Variants in MUS81 observed in about 807,000 individuals in gnomAD.
The protein encoded by MUS81 is MUS81 structure-specific endonuclease subunit.
In MUS81, 69 loss-of-function variants were observed where a neutral mutation model predicts 74.2. The observed-to-expected ratio is 0.93, with a 90% CI of 0.77 to 1.14. The LOEUF is 1.14. Ranked by LOEUF, MUS81 falls within the 50% of genes most tolerant of loss-of-function variation. MUS81 has a pLI of 0.00. For missense variants in MUS81, 711 were observed against 726.5 expected (o/e 0.98, Z 0.25); for synonymous variants, 303 against 300.6 (o/e 1.01, Z -0.08).
At position 65,865,001 on chromosome 11, in the gene MUS81, T is replaced by C; in HGVS notation, c.1273-16T>C. ...CCTTCGAGCTCCAGCCTGGCCTCAG[T>C]CCCTTCTTCCCTCAGGGCCACACCC... On this transcript the variant is annotated splice_polypyrimidine_tract_variant and intron_variant, in intron 12 of 15. Coordinates refer to ENST00000308110, the MANE Select transcript of MUS81 (RefSeq NM_025128.5). 6.2e-7 allele frequency: 1 copy of C among 1,612,606 alleles called. No individual in the cohort carries two copies.
chr11:65,864,747 A>G lies in MUS81; in HGVS notation c.1204A>G (p.Thr402Ala). 6.2e-7 allele frequency: 1 copy of G among 1,614,060 alleles called. No individual in the cohort carries two copies. The highest frequency in any genetic ancestry group is 8.5e-7 in the Non-Finnish European group (1 of 1,180,004). The change falls in exon 12 of 16, where the codon ACA (threonine) becomes GCA (alanine). Residue 402 changes from threonine to alanine, a missense_variant. Physicochemically the swap from Thr to Ala is moderately conservative, Grantham distance 58 (BLOSUM62 0). Coordinates refer to ENST00000308110, the MANE Select transcript of MUS81 (RefSeq NM_025128.5). ...CATTGATGGCTTTTTTGTGAAGCGCACAGCAGACATTAAGGAGTCAGCCGC... is the reference window on the plus strand; with the variant it reads ...CATTGATGGCTTTTTTGTGAAGCGCGCAGCAGACATTAAGGAGTCAGCCGC... Reference protein sequence around the residue: ...QVIDGFFVKRTADIKESAAYL... With the variant: ...QVIDGFFVKRAADIKESAAYL...
At chr11:65,867,135 C>T (rs923829893), downstream of MUS81, 28 of 1,606,368 alleles carry the variant, frequency 1.7e-5, no homozygotes, top group Non-Finnish European at 2.3e-5. Context: ...GTGCTAGGCC[C>T]CTGCCCCAGC....
chr11:65,860,936 C>T (rs779303806), intron 1 of MUS81, 37 bp from the exon 2 acceptor site: 1 of 1,600,992 alleles, frequency 6.2e-7, no homozygotes, highest in Admixed American at 1.7e-5. Flanking sequence ...CCAGGTCAGG[C>T]CTGCCCTGAC....
intron 6 of MUS81, 125 bp downstream of exon 6, chr11:65,862,654 C>A: frequency 1.1e-6 from 1 of 906,204 alleles, no homozygotes; most frequent in Non-Finnish European, 1.7e-6. Flanking sequence ...TCCTCAGGAG[C>A]CCCCACTGTT....
intron 10 of MUS81, chr11:65,864,191 AAT>A: frequency 3.4e-6 from 2 of 585,870 alleles, no homozygotes; most frequent in Admixed American, 6.0e-5. Flanking sequence ...CAGGAGTGGA[AAT>A]ACAGAGGCTG....
At position 65,863,840 on chromosome 11, in the gene MUS81, A is replaced by C. The variant is rs1565267935; in HGVS notation, c.998A>C (p.Glu333Ala). Residue 333 changes from glutamate (E) to alanine (A), a missense_variant, in exon 10 of 16, where the codon GAG (glutamate) becomes GCG (alanine). Glu to Ala is a moderately radical substitution (Grantham distance 107). Transcript: ENST00000308110. ...GAGTTGGTACTGGATCACATTGTGG[A>C]GCGCAAGCGACTGGATGACCTTTGC... is the stretch of plus-strand genomic sequence containing the variant. Reference protein sequence around the residue: ...PGELVLDHIVERKRLDDLCSS... With the variant: ...PGELVLDHIVARKRLDDLCSS... The C allele has an allele frequency of 6.2e-7, 1 of 1,614,008 alleles. No homozygotes were observed. The highest frequency in any genetic ancestry group is 8.5e-7 in the Non-Finnish European group (1 of 1,180,010).
At position 65,860,653 on chromosome 11, in the gene MUS81, C is replaced by CCCCCG. The variant is rs1565263629; in HGVS notation, c.-92_-88dup. 2 of 1,497,464 alleles carry CCCCCG rather than the reference C, an allele frequency of 1.3e-6. No individual in the cohort carries two copies. The highest frequency in any genetic ancestry group is 2.0e-5 in the Admixed American group (1 of 50,616). The allele number at this position is 1,497,464 out of a possible 1,614,324, so 92.8% of individuals were successfully genotyped here. ...CGGTCCTGCCCTCGGTCTCCCTCTT[C>CCCCCG]CCCCGCCCCGCCCTGGGCCAGGTGT... On this transcript the variant is annotated 5_prime_UTR_variant, in exon 1 of 16. Coordinates refer to ENST00000308110, the MANE Select transcript of MUS81 (RefSeq NM_025128.5).
At chr11:65,867,129 T>C, downstream of MUS81, 1 of 1,609,328 alleles carries the variant, frequency 6.2e-7, no homozygotes, top group South Asian at 1.1e-5. Flanking sequence ...GCCTGTGTGC[T>C]AGGCCCCTGC....
Position 65,861,379 on chromosome 11 carries a change from G to T in MUS81, c.295G>T (p.Glu99Ter). 6.2e-7 allele frequency: 1 copy of T among 1,603,040 alleles called. No individual in the cohort carries two copies. Among genetic ancestry groups the T allele is most frequent in the Middle Eastern group, 1.7e-4 (1 of 6,042 alleles). The change falls in exon 3 of 16, where the codon GAG becomes TAG. Residue 99 changes from glutamate to a stop codon, truncating the protein, a stop_gained. Coordinates refer to ENST00000308110, the MANE Select transcript of MUS81 (RefSeq NM_025128.5). LOFTEE classifies it high-confidence loss of function. ...GDHAPDSPSGENSPAPQGRLA... is the reference protein window; with the variant it reads ...GDHAPDSPSG ...CCATGCCCCGGACTCACCATCTGGA[G>T]AGAACAGTCCAGCCCCGCAGGGGCG... is the stretch of plus-strand genomic sequence containing the variant.
chr11:65,867,321 C>T, downstream of MUS81: 1 of 579,230 alleles, frequency 1.7e-6, no homozygotes, highest in South Asian at 2.0e-5. Flanking sequence ...TCTGTCTGAC[C>T]CAGGCTAACT....
At position 65,863,071 on chromosome 11, in the gene MUS81, A is replaced by G; in HGVS notation, c.612A>G (p.Ser204=). ...TGTCCCCTCTGCCTCCCAGGTACTC[A>G]TTGACCCCAGAGGGCCTGGAGCTGG... is the stretch of plus-strand genomic sequence containing the variant. ...VLRTHQPARY[S]LTPEGLELAQ... The change falls in exon 7 of 16, where the codon TCA becomes TCG. Residue 204 remains serine, a synonymous_variant. Coordinates refer to ENST00000308110, the MANE Select transcript of MUS81 (RefSeq NM_025128.5). The G allele has an allele frequency of 1.2e-6, 2 of 1,614,082 alleles. No individual in the cohort carries two copies. The highest frequency in any genetic ancestry group is 1.3e-5 in the African/African-American group (1 of 75,042).
chr11:65,862,119 G>T, intron 4 of MUS81, 74 bp downstream of exon 4: 2 of 1,581,018 alleles, frequency 1.3e-6, no homozygotes, highest in Non-Finnish European at 1.7e-6. Flanking sequence ...CCTGGCCCAG[G>T]CAGGGCAGGC....
chr11:65,860,425 T>C (rs1859541327), upstream of MUS81: 1 of 512,104 alleles, frequency 2.0e-6, no homozygotes, highest in Non-Finnish European at 3.7e-6. Flanking sequence ...CGCTCTCGAA[T>C]CTGGGGTGAC....
chr11:65,862,612 T>A, intron 6 of MUS81, 83 bp downstream of exon 6: 1 of 1,292,418 alleles, frequency 7.7e-7, no homozygotes, highest in Non-Finnish European at 1.1e-6. Flanking sequence ...CTCCCAGAGC[T>A]GATGCTGTTG....
downstream of MUS81, chr11:65,866,903 GCTCCCT>G: frequency 6.2e-7 from 1 of 1,613,622 alleles, no homozygotes; most frequent in East Asian, 2.2e-5. Context: ...AGGGAGGGTG[GCTCCCT>G]CCTGCTCCTC....
chr11:65,861,920 T>C (rs781204402), intron 3 of MUS81, 27 bp from the exon 4 acceptor site: 3 of 1,567,880 alleles, frequency 1.9e-6, no homozygotes, highest in Middle Eastern at 1.7e-4. Flanking sequence ...CTGGCTTTCA[T>C]GTTCAGAACT....
rs1859781197 is a variant in MUS81 at position 65,865,230 on chromosome 11, T to C, written c.1412T>C (p.Val471Ala). 7 of 1,613,808 alleles carry C rather than the reference T, an allele frequency of 4.3e-6. No homozygotes were observed. Among genetic ancestry groups the C allele is most frequent in the African/African-American group, 2.7e-5 (2 of 74,896 alleles). The change falls in exon 14 of 16, where the codon GTG becomes GCG. Residue 471 changes from valine (V) to alanine (A), a missense_variant. Physicochemically the swap from Val to Ala is moderately conservative, Grantham distance 64 (BLOSUM62 0). Coordinates refer to ENST00000308110, the MANE Select transcript of MUS81 (RefSeq NM_025128.5). The part of the protein sequence containing the change: ...AGAIKNKAQS[V>A]REVFARQLMQ... Reference sequence around the variant, plus strand: ...CTTTCCCGAACCCAGGCCCAGTCGGTGCGAGAAGTGTTTGCCCGGCAGCTG... The same window carrying C: ...CTTTCCCGAACCCAGGCCCAGTCGGCGCGAGAAGTGTTTGCCCGGCAGCTG...
chr11:65,860,458 C>A lies in MUS81; in HGVS notation c.-296C>A. On this transcript the variant is annotated 5_prime_UTR_variant, in exon 1 of 16. Transcript: ENST00000308110. ...GACAGGAAGGAGCCGGTCCAGGCTCCGGGGGCTGGGAAAGGGCGCGTCTCA... is the reference window on the plus strand; with the variant it reads ...GACAGGAAGGAGCCGGTCCAGGCTCAGGGGGCTGGGAAAGGGCGCGTCTCA... 1.9e-6 allele frequency: 1 copy of A among 533,894 alleles called. No individual in the cohort carries two copies. The highest frequency in any genetic ancestry group is 3.4e-6 in the Non-Finnish European group (1 of 290,842). 33.1% of individuals were successfully genotyped at this position (533,894 alleles called of 1,614,324 possible).
At position 65,860,509 on chromosome 11, in the gene MUS81, G is replaced by GA. The variant is rs1859546607; in HGVS notation, c.-241dup. On this transcript the variant is annotated 5_prime_UTR_variant, in exon 1 of 16. Coordinates refer to ENST00000308110, the MANE Select transcript of MUS81 (RefSeq NM_025128.5). ...AAGGCTGGCTGGAGTGGAGCCAAGG[G>GA]AAAAGATCGTTAGAGACAGCGCCCC... is the stretch of plus-strand genomic sequence containing the variant. 2 of 592,564 alleles carry GA rather than the reference G, an allele frequency of 3.4e-6. No individual in the cohort carries two copies. Among genetic ancestry groups the GA allele is most frequent in the Non-Finnish European group, 6.0e-6 (2 of 331,682 alleles). The allele number at this position is 592,564 out of a possible 1,614,324, so 36.7% of individuals were successfully genotyped here. A position where few individuals can be genotyped will look rare whatever the true frequency, so the allele number is the denominator to read the frequency against.
Sources: gnomAD v4.1 joint callset for allele counts on GRCh38, gnomAD v4.1.1 for gene constraint, MANE v1.5 for transcripts, NCBI Gene and HGNC (gene_info 2026-07-23, HGNC 2026-07-21) for gene names.